Variants in UBXN1 observed in about 807,000 individuals in gnomAD.
The protein encoded by UBXN1 is UBX domain-containing protein 1.
Under a neutral mutation model 42.0 loss-of-function variants are expected in UBXN1, and 21 were observed. That is an observed-to-expected ratio of 0.50 (90% CI 0.35 to 0.72). The LOEUF (loss-of-function observed/expected upper bound fraction) is 0.72. UBXN1 is among the 30% of genes least tolerant of loss of function. The probability of loss-of-function intolerance (pLI) is 0.00; values close to 1 mark genes in which losing one functional copy is unlikely to be tolerated. For missense variants in UBXN1, 374 were observed against 382.2 expected, an observed-to-expected ratio of 0.98 and a Z score of 0.18; for synonymous variants, 172 against 142.6, an observed-to-expected ratio of 1.21 and a Z score of -1.47.
In UBXN1 at chr11:62,678,975, G is replaced by A. The variant is rs1486544989; in HGVS notation, c.-52C>T. On this transcript the variant is annotated 5_prime_UTR_variant, in exon 1 of 9. Transcript: ENST00000301935. ...GACCTGGTGTGTGACGAGAAGGAGG[G>A]CGGGAAGGGTCAGCGCGAGGCAACC... The A allele has an allele frequency of 7.1e-6, 11 of 1,539,164 alleles. No individual in the cohort carries two copies. The South Asian group carries it at 1.1e-4, about 15-fold the overall frequency.
intron 7 of UBXN1, 112 bp downstream of exon 7, chr11:62,677,406 A>G (rs904437453): frequency 9.3e-7 from 1 of 1,070,712 alleles, no homozygotes; most frequent in Non-Finnish European, 1.4e-6. Context: ...AGTCATTTAC[A>G]AAGAAGGGAG....
In UBXN1 at chr11:62,676,515, CTATT is replaced by C. The variant is rs1330296336; in HGVS notation, c.*71_*74del. On this transcript the variant is annotated 3_prime_UTR_variant, in exon 9 of 9. Coordinates refer to ENST00000301935, the MANE Select transcript of UBXN1 (RefSeq NM_001286077.2). ...GTCAGGCATGTACAGAACTCAGGGT[CTATT>C]TATTAGGAAGGAGATGTCAGTGCTT... 6.4e-5 allele frequency: 96 copies of C among 1,507,238 alleles called. No homozygotes were observed. The highest frequency in any genetic ancestry group is 8.3e-5 in the Non-Finnish European group (93 of 1,118,602). The allele number at this position is 1,507,238 out of a possible 1,614,324, so 93.4% of individuals were successfully genotyped here.
At chr11:62,678,224 GA>G (rs1945067429) in intron 4 of UBXN1, 106 bp from the exon 5 acceptor site, 2 of 1,604,532 alleles carry the variant, frequency 1.2e-6, no homozygotes, top group African/African-American at 2.7e-5. Flanking sequence ...TAGATTAAAG[GA>G]AAAGAAAATG....
rs1945040251 is a variant in UBXN1 at position 62,677,517 on chromosome 11, C to A, written c.651+1G>T. 2 of 1,613,900 alleles carry A rather than the reference C, an allele frequency of 1.2e-6. No homozygotes were observed. The highest frequency in any genetic ancestry group is 1.7e-6 in the Non-Finnish European group (2 of 1,179,896). On this transcript the variant is annotated splice_donor_variant, in intron 7 of 8. Transcript: ENST00000301935. LOFTEE classifies it high-confidence loss of function. ...AGGAAGATAAGAATTAGAATCAGTA[C>A]CTGTATGCGACACTGGTCATACTCC... is the stretch of plus-strand genomic sequence containing the variant.
Position 62,678,114 on chromosome 11 carries a change from A to G in UBXN1, c.295T>C (p.Leu99=), listed in dbSNP as rs764396573. 4.3e-6 allele frequency: 7 copies of G among 1,613,992 alleles called. No individual in the cohort carries two copies. The Admixed American group carries it at 1.2e-4, about 27-fold the overall frequency. ...CGCTGCTTCTGGGCCACCAGCTCCA[A>G]CATCCTGTGTTGCCGAGGGAAAACA... is the stretch of plus-strand genomic sequence containing the variant. ...EERQEQTKRM[L]ELVAQKQRER... Residue 99 remains leucine (L), a synonymous_variant, in exon 5 of 9, where the codon TTG becomes CTG. Coordinates refer to ENST00000301935, the MANE Select transcript of UBXN1 (RefSeq NM_001286077.2).
At position 62,678,524 on chromosome 11, in the gene UBXN1, G is replaced by A. The variant is rs1244576773; in HGVS notation, c.191C>T (p.Pro64Leu). The A allele has an allele frequency of 6.2e-7, 1 of 1,611,326 alleles. No homozygotes were observed. Among genetic ancestry groups the A allele is most frequent in the East Asian group, 2.2e-5 (1 of 44,848 alleles). ...TPLGHILGRE[P>L]TSSEQGGLEG... is the part of the protein sequence containing the mutation. ...AAGGCCGCCTTGCTCTGAGGAAGTG[G>A]GCTCCCGTCCCAGGATATGTCCAAG... is the stretch of plus-strand genomic sequence containing the variant. The change falls in exon 3 of 9, where the codon CCC becomes CTC. Residue 64 changes from proline (P) to leucine (L), a missense_variant. Pro to Leu is a moderately conservative substitution (Grantham distance 98, BLOSUM62 -3). Coordinates refer to ENST00000301935, the MANE Select transcript of UBXN1 (RefSeq NM_001286077.2).
Position 62,677,001 on chromosome 11 carries a change from C to G in UBXN1, c.656G>C (p.Arg219Thr). The change falls in exon 8 of 9, where the codon AGG becomes ACG. Residue 219 changes from arginine (R) to threonine (T), a missense_variant. Coordinates refer to ENST00000301935, the MANE Select transcript of UBXN1 (RefSeq NM_001286077.2). ...GGTCAGTGAGGTCCCATCTGGCAGC[C>G]TGACCTAAAGGGCAAGGGAGATACT... The part of the protein sequence containing the change: ...REYDQCRIQV[R>T]LPDGTSLTQT... The G allele has an allele frequency of 6.2e-7, 1 of 1,608,584 alleles. No individual in the cohort carries two copies. The highest frequency in any genetic ancestry group is 8.5e-7 in the Non-Finnish European group (1 of 1,179,540).
In UBXN1 at chr11:62,677,624, C is replaced by A; in HGVS notation, c.545G>T (p.Ser182Ile). 1.9e-6 allele frequency: 3 copies of A among 1,612,422 alleles called. No individual in the cohort carries two copies. The highest frequency in any genetic ancestry group is 2.5e-6 in the Non-Finnish European group (3 of 1,179,294). ...KAERAKKYGGSVGSQPPPVAP... is the reference protein window; with the variant it reads ...KAERAKKYGGIVGSQPPPVAP... The stretch of plus-strand genomic sequence containing the variant: ...CACTGGGGGTGGCTGAGAGCCCACA[C>A]TGCCACCATACTAAAGGGCAAAGTA... The change falls in exon 7 of 9, where the codon AGT (serine) becomes ATT (isoleucine). Residue 182 changes from serine (S) to isoleucine (I), a missense_variant. Ser to Ile is a moderately radical substitution (Grantham distance 142). Coordinates refer to ENST00000301935, the MANE Select transcript of UBXN1 (RefSeq NM_001286077.2).
At position 62,678,419 on chromosome 11, in the gene UBXN1, ACAAT is replaced by A. The variant is rs773240253; in HGVS notation, c.221-15_221-12del. On this transcript the variant is annotated splice_polypyrimidine_tract_variant and intron_variant, in intron 3 of 8. Transcript: ENST00000301935. ...CAGCAGAACCAGATCCTACAAACAA[ACAAT>A]CGGTATTATTATCCCTTCAGATTCT... The A allele has an allele frequency of 2.5e-4, 402 of 1,611,944 alleles. No individual in the cohort carries two copies. Among genetic ancestry groups the A allele is most frequent in the Non-Finnish European group, 2.1e-4 (251 of 1,178,074 alleles).
At chr11:62,678,840 G>A (rs777798704) in intron 1 of UBXN1, 25 bp downstream of exon 1, 1 of 1,608,518 alleles carries the variant, frequency 6.2e-7, no homozygotes, top group East Asian at 2.2e-5. Context: ...CACACCCGCA[G>A]GCCGGGGTTG....
chr11:62,677,499 TAAG>T lies in UBXN1; in HGVS notation c.651+16_651+18del. The T allele has an allele frequency of 6.2e-7, 1 of 1,613,040 alleles. No homozygotes were observed. The highest frequency in any genetic ancestry group is 8.5e-7 in the Non-Finnish European group (1 of 1,179,050). Reference sequence around the variant, plus strand: ...GAACAAAGGGGTCCCAAGAGGAAGATAAGAATTAGAATCAGTACCTGTATGCGA... The same window carrying T: ...GAACAAAGGGGTCCCAAGAGGAAGATAATTAGAATCAGTACCTGTATGCGA... On this transcript the variant is annotated intron_variant, in intron 7 of 8. Transcript: ENST00000301935.
rs1170954322 is a variant in UBXN1 at position 62,676,622 on chromosome 11, C to G, written c.862G>C (p.Val288Leu). 6.2e-7 allele frequency: 1 copy of G among 1,613,088 alleles called. No homozygotes were observed. Among genetic ancestry groups the G allele is most frequent in the African/African-American group, 1.3e-5 (1 of 74,900 alleles). ...GGACATTTCTTGGCCACAATGAGAA[C>G]AGCAGAAGGCACGAGTCCTGAAGAT... Reference protein sequence around the residue: ...LQELGLVPSAVLIVAKKCPS With the variant: ...LQELGLVPSALLIVAKKCPS Residue 288 changes from valine (V) to leucine (L), a missense_variant, in exon 9 of 9, where the codon GTT becomes CTT. Val to Leu is a conservative substitution (Grantham distance 32). Transcript: ENST00000301935.
chr11:62,677,488 C>T (rs754743750), intron 7 of UBXN1, 30 bp downstream of exon 7: 151 of 1,611,034 alleles, frequency 9.4e-5, no homozygotes, highest in Non-Finnish European at 9.1e-5. Flanking sequence ...AAAGGGGTCC[C>T]AAGAGGAAGA....
rs1433286324 is a variant in UBXN1, at chr11:62,678,556, C to G, written c.159G>C (p.Glu53Asp). The G allele has an allele frequency of 8.1e-6, 13 of 1,611,604 alleles. No individual in the cohort carries two copies. Among genetic ancestry groups the G allele is most frequent in the Non-Finnish European group, 1.1e-5 (13 of 1,178,352 alleles). Residue 53 changes from glutamate to aspartate, a missense_variant, in exon 3 of 9, where the codon GAG becomes GAC. Coordinates refer to ENST00000301935, the MANE Select transcript of UBXN1 (RefSeq NM_001286077.2). ...GTCCCAGGATATGTCCAAGGGGAGTCTCTAAAGGCTCGTCCACATCGGGGT... is the reference window on the plus strand; with the variant it reads ...GTCCCAGGATATGTCCAAGGGGAGTGTCTAAAGGCTCGTCCACATCGGGGT... ...EDDPDVDEPL[E>D]TPLGHILGRE...
In UBXN1 at chr11:62,678,333, C is replaced by CTG. The variant is rs1206544965; in HGVS notation, c.290+4_290+5dup. 1 of 1,614,182 alleles carries CTG rather than the reference C, an allele frequency of 6.2e-7. No individual in the cohort carries two copies. Among genetic ancestry groups the CTG allele is most frequent in the African/African-American group, 1.3e-5 (1 of 75,058 alleles). On this transcript the variant is annotated splice_donor_region_variant and intron_variant, in intron 4 of 8. Coordinates refer to ENST00000301935, the MANE Select transcript of UBXN1 (RefSeq NM_001286077.2). ...CCTCAGACACGTGAGATTGTTGTTA[C>CTG]TGTACCTCTTAGTTTGTTCCTGTCT...
intron 1 of UBXN1, 40 bp downstream of exon 1, chr11:62,678,825 C>A: frequency 1.9e-6 from 3 of 1,608,246 alleles, no homozygotes; most frequent in Non-Finnish European, 2.5e-6. Context: ...AGGTCCGCGA[C>A]CCCCCACACC....
Position 62,676,735 on chromosome 11 carries a change from T to C in UBXN1, c.844+78A>G, listed in dbSNP as rs1945024455. 2.5e-6 allele frequency: 4 copies of C among 1,614,124 alleles called. No individual in the cohort carries two copies. In the Admixed American group the frequency reaches 6.7e-5, roughly 27 times the overall value. ...CACCATGTTCACAAAGCCCCTTCTC[T>C]TTGCATCCCTCCTTTTCCTAGGCAT... On this transcript the variant is annotated intron_variant, in intron 8 of 8. Transcript: ENST00000301935.
chr11:62,678,317 C>G (rs1430188010), intron 4 of UBXN1, 22 bp downstream of exon 4: 2 of 1,614,176 alleles, frequency 1.2e-6, no homozygotes, highest in Admixed American at 3.3e-5. Flanking sequence ...CCCTCAGACA[C>G]GTGAGATTGT....
At chr11:62,678,295 G>C in intron 4 of UBXN1, 44 bp downstream of exon 4, 2 of 1,612,852 alleles carry the variant, frequency 1.2e-6, no homozygotes, top group Middle Eastern at 1.7e-4. Context: ...ACTGGGGAGA[G>C]ATGGAAGACG....
Sources: allele counts gnomAD v4.1 joint callset, GRCh38; gene constraint gnomAD v4.1.1; transcripts MANE v1.5; gene names NCBI Gene and HGNC (gene_info 2026-07-23, HGNC 2026-07-21).